IDE: variants seen among roughly 807,000 people sequenced by gnomAD.
The protein encoded by IDE is insulin degrading enzyme.
In IDE, 58 loss-of-function variants were observed where a neutral mutation model predicts 133.2. The observed-to-expected ratio is 0.44, with a 90% CI of 0.35 to 0.54. The LOEUF (loss-of-function observed/expected upper bound fraction) is 0.54. IDE is among the 20% of genes least tolerant of loss of function. The pLI is 0.00. For missense variants in IDE, 981 were observed against 1,234.0 expected (o/e 0.79, Z 3.07); for synonymous variants, 396 against 421.3 (o/e 0.94, Z 0.73).
chr10:92,472,220 C>G (rs1381944963), intron 17 of IDE, among the ~76,000 whole-genome samples: 3 of 152,086 alleles, frequency 2.0e-5, no homozygotes, highest in Non-Finnish European at 2.9e-5. Context: ...CCTTCATATC[C>G]CTCTGAGATA....
intron 22 of IDE, among the ~76,000 whole-genome samples, chr10:92,458,493 T>TG (rs1845159226): frequency 1.3e-5 from 1 of 77,112 alleles, no homozygotes; most frequent in African/African-American, 3.8e-5. Flanking sequence ...TCTCTCTGTT[T>TG]TTTTTTTTTT....
chr10:92,528,615 C>CA (rs1353189713), intron 4 of IDE, among the ~76,000 whole-genome samples: 1 of 152,022 alleles, frequency 6.6e-6, no homozygotes, highest in Non-Finnish European at 1.5e-5. Context: ...GAGTTGTATA[C>CA]AAAAAAGAGT....
chr10:92,469,034 A>C (rs1323431161), intron 18 of IDE, 44 bp from the exon 19 acceptor site: 1 of 1,085,220 alleles, frequency 9.2e-7, no homozygotes. Flanking sequence ...AAACATAAAC[A>C]TATCTTGTTT....
At chr10:92,513,607 A>C (rs7910569) in intron 5 of IDE, among the ~76,000 whole-genome samples, 5,330 of 150,854 alleles carry the variant, frequency 0.035, 354 homozygotes, top group African/African-American at 0.12. Context: ...TTTCTCTTTA[A>C]TATATTAAGA....
intron 22 of IDE, among the ~76,000 whole-genome samples, chr10:92,460,151 A>C (rs1845294078): frequency 6.6e-6 from 1 of 152,096 alleles, no homozygotes; most frequent in Non-Finnish European, 1.5e-5. Flanking sequence ...TGAATCTCTT[A>C]AAGCTTGCTG....
intron 9 of IDE, among the ~76,000 whole-genome samples, chr10:92,507,063 A>T (rs962379524): frequency 1.3e-5 from 2 of 151,904 alleles, no homozygotes; most frequent in Non-Finnish European, 2.9e-5. Context: ...ACCCTTTTTT[A>T]AAAGGCTTTT....
In IDE at chr10:92,514,944, T is replaced by C; in HGVS notation, c.760A>G (p.Met254Val). The change falls in exon 5 of 25, where the codon ATG (methionine) becomes GTG (valine). Residue 254 changes from methionine (M) to valine (V), a missense_variant. By Grantham distance (21) the Met-to-Val change is conservative. This residue lies in a region of IDE where 321 missense variants were observed against 339.3 expected (regional missense o/e 0.95). Coordinates refer to ENST00000265986, the MANE Select transcript of IDE (RefSeq NM_004969.4). ...FHSAYYSSNLMAVCVLGRESL... is the reference protein window; with the variant it reads ...FHSAYYSSNLVAVCVLGRESL... ...CCTCGACCTAAAACACAAACAGCCA[T>C]TAAGTTGGATGAATAGTAAGCAGAA... The C allele has an allele frequency of 6.2e-7, 1 of 1,612,466 alleles. No homozygotes were observed. The highest frequency in any genetic ancestry group is 8.5e-7 in the Non-Finnish European group (1 of 1,179,024).
At chr10:92,482,891 C>T (rs1846702623) in intron 14 of IDE, among the ~76,000 whole-genome samples, 1 of 152,068 alleles carries the variant, frequency 6.6e-6, no homozygotes, top group Non-Finnish European at 1.5e-5. Flanking sequence ...CTGCATCCTC[C>T]TGCCTCAGCC....
chr10:92,491,530 C>T (rs918530425), intron 11 of IDE, among the ~76,000 whole-genome samples: 10 of 152,082 alleles, frequency 6.6e-5, no homozygotes, highest in Admixed American at 1.3e-4. Context: ...CTCTGCCTCC[C>T]GGGTTCAAGA....
chr10:92,532,063 G>T, intron 3 of IDE, 146 bp from the exon 4 acceptor site: 1 of 523,454 alleles, frequency 1.9e-6, no homozygotes, highest in Non-Finnish European at 3.2e-6. Context: ...GAAAAAAGGA[G>T]TATAAAATAA....
At chr10:92,476,054 A>AC in intron 15 of IDE, 60 bp from the exon 16 acceptor site, 1 of 604,426 alleles carries the variant, frequency 1.7e-6, no homozygotes, top group Non-Finnish European at 2.9e-6. Flanking sequence ...CTTCCAAATA[A>AC]ACGACTTGAT....
intron 23 of IDE, 25 bp from the exon 24 acceptor site, chr10:92,455,668 AC>A: frequency 7.4e-7 from 1 of 1,347,292 alleles, no homozygotes; most frequent in Non-Finnish European, 1.1e-6. Flanking sequence ...AAGGTTTAAT[AC>A]TTTGTACTTA....
intron 17 of IDE, among the ~76,000 whole-genome samples, chr10:92,471,259 T>C (rs1186966080): frequency 6.6e-6 from 1 of 152,148 alleles, no homozygotes; most frequent in Non-Finnish European, 1.5e-5. Context: ...GACACCATAG[T>C]AATAACTGCT....
Position 92,496,667 on chromosome 10 carries a change from T to C in IDE, c.1431-6072A>G, listed in dbSNP as rs551914644. Among the ~76,000 whole-genome samples, 3 of 152,316 alleles carry C rather than the reference T, an allele frequency of 2.0e-5. No homozygotes were observed. In the South Asian group the frequency reaches 6.2e-4, roughly 32 times the overall value. Reference sequence around the variant, plus strand: ...CAGGTGTGGTAGTGGGCACCTGTAATGCCAGCCACTCGGGAGGCTGAGGCA... The same window carrying C: ...CAGGTGTGGTAGTGGGCACCTGTAACGCCAGCCACTCGGGAGGCTGAGGCA... On this transcript the variant is annotated intron_variant, in intron 11 of 24. Coordinates refer to ENST00000265986, the MANE Select transcript of IDE (RefSeq NM_004969.4).
Position 92,464,031 on chromosome 10 carries a change from AC to A in IDE, c.2489-29del, listed in dbSNP as rs767465802. On this transcript the variant is annotated intron_variant, in intron 20 of 24. Coordinates refer to ENST00000265986, the MANE Select transcript of IDE (RefSeq NM_004969.4). ...GAAACACAGACATCAGCCAGTCATG[AC>A]CGTGGCATTTGAGACCTGGGTCATT... 5 of 1,588,374 alleles carry A rather than the reference AC, an allele frequency of 3.1e-6. No homozygotes were observed. The African/African-American group carries it at 6.8e-5, about 21-fold the overall frequency.
chr10:92,491,277 CT>C, intron 11 of IDE, among the ~76,000 whole-genome samples: 1 of 151,874 alleles, frequency 6.6e-6, no homozygotes, highest in East Asian at 1.9e-4. Flanking sequence ...AAAAGTACTC[CT>C]TCCTAGGAGT....
At chr10:92,477,404 G>C (rs1055344000) in intron 15 of IDE, among the ~76,000 whole-genome samples, 85 of 152,144 alleles carry the variant, frequency 5.6e-4, no homozygotes, top group African/African-American at 2.0e-3. Flanking sequence ...CAATCTGCCT[G>C]CCTTGGCCTC....
At chr10:92,527,437 T>C (rs1350396240) in intron 4 of IDE, among the ~76,000 whole-genome samples, 1 of 149,906 alleles carries the variant, frequency 6.7e-6, no homozygotes, top group Non-Finnish European at 1.5e-5. Flanking sequence ...TTTTACTCTC[T>C]TATTAATTTT....
At chr10:92,533,400 G>T (rs1479425989) in intron 3 of IDE, among the ~76,000 whole-genome samples, 1 of 152,038 alleles carries the variant, frequency 6.6e-6, no homozygotes, top group Non-Finnish European at 1.5e-5. Flanking sequence ...GACTACTTTG[G>T]CCCAGCACAT....
Sources: gnomAD v4.1 joint callset for allele counts (sites outside exome capture counted in the v4.1 genomes callset) on GRCh38, gnomAD v4.1.1 for gene constraint, gnomAD v4.1.1 regional missense constraint, MANE v1.5 for transcripts, NCBI Gene and HGNC (gene_info 2026-07-23, HGNC 2026-07-21) for gene names.